Variants in HBP1 observed in about 807,000 individuals in gnomAD.
HBP1 encodes HMG box-containing protein 1.
Under a neutral mutation model 62.6 loss-of-function variants are expected in HBP1, and 20 were observed. The observed-to-expected ratio is 0.32, with a 90% confidence interval of 0.22 to 0.46. HBP1 has a LOEUF of 0.46. Among genes scored for constraint, HBP1 ranks in the 20% least tolerant of loss-of-function variants. HBP1 has a pLI of 1.00. For missense variants in HBP1, 480 were observed against 611.8 expected, an observed-to-expected ratio of 0.78 and a Z score of 2.27; for synonymous variants, 232 against 206.2, an observed-to-expected ratio of 1.12 and a Z score of -1.07.
chr7:107,180,952 A>G (rs1489299721), intron 2 of HBP1, among the ~76,000 whole-genome samples: 1 of 152,180 alleles, frequency 6.6e-6, no homozygotes, highest in African/African-American at 2.4e-5. Context: ...CCTTCCACCT[A>G]TGACTTCGTT....
At chr7:107,171,069 A>T (rs372071400) in intron 1 of HBP1, among the ~76,000 whole-genome samples, 28,697 of 72,098 alleles carry the variant, frequency 0.4, 5,922 homozygotes, top group Non-Finnish European at 0.44. Flanking sequence ...ATATATATAT[A>T]TATATTTTTT....
chr7:107,183,172 T>C (rs1797190509), intron 3 of HBP1, among the ~76,000 whole-genome samples: 1 of 152,184 alleles, frequency 6.6e-6, no homozygotes, highest in Admixed American at 6.5e-5. Context: ...CCAGCTAATA[T>C]GCCTAGGGAG....
chr7:107,169,422 G>A (rs1035759543), intron 1 of HBP1, among the ~76,000 whole-genome samples: 63 of 148,774 alleles, frequency 4.2e-4, no homozygotes, highest in African/African-American at 1.5e-3. Flanking sequence ...GGCGGGGGCC[G>A]GGAGGAGGCA....
chr7:107,179,144 A>G (rs1385101841), intron 1 of HBP1, among the ~76,000 whole-genome samples: 1 of 152,260 alleles, frequency 6.6e-6, no homozygotes, highest in Admixed American at 6.5e-5. Context: ...ATCTTTAAAA[A>G]AGGACAAAAT....
rs369450689 is a variant in HBP1, at chr7:107,179,906, G to A, written c.13G>A (p.Val5Met). 5.0e-6 allele frequency: 8 copies of A among 1,594,276 alleles called. No homozygotes were observed. The African/African-American group carries it at 9.4e-5, about 19-fold the overall frequency. The change falls in exon 2 of 11, where the codon GTG becomes ATG. Residue 5 changes from valine to methionine, a missense_variant. By Grantham distance (21) the Val-to-Met change is conservative. This residue lies in a region of HBP1 where 304 missense variants were observed against 330.9 expected (regional missense o/e 0.92). Transcript: ENST00000222574. MVWE[V>M]KTNQMPNAVQ... ...AGAGCACCATAACATGGTGTGGGAA[G>A]TGAAGACAAATCAGATGCCTAATGC...
At chr7:107,191,116 G>A (rs1004553553) in intron 8 of HBP1, among the ~76,000 whole-genome samples, 3 of 152,104 alleles carry the variant, frequency 2.0e-5, no homozygotes, top group African/African-American at 7.2e-5. Flanking sequence ...CTGGCACTAA[G>A]TAGAGAATTC....
chr7:107,172,863 A>G (rs1796666747), intron 1 of HBP1, among the ~76,000 whole-genome samples: 1 of 152,172 alleles, frequency 6.6e-6, no homozygotes, highest in South Asian at 2.1e-4. Context: ...AAGTGCTGGC[A>G]TTGCAGGCCT....
intron 8 of HBP1, among the ~76,000 whole-genome samples, chr7:107,191,041 G>A (rs1436897942): frequency 3.3e-5 from 5 of 152,178 alleles, no homozygotes; most frequent in Admixed American, 3.3e-4. Context: ...AAGTCTGTGT[G>A]TAGGTATCTG....
intron 10 of HBP1, 55 bp from the exon 11 acceptor site, chr7:107,201,358 AG>A (rs1798283403): frequency 2.9e-6 from 3 of 1,045,348 alleles, no homozygotes; most frequent in Non-Finnish European, 4.4e-6. Context: ...TTTCATATAT[AG>A]GATTACTATG....
At chr7:107,182,640 C>A (rs1797165345) in intron 3 of HBP1, 39 bp downstream of exon 3, 3 of 1,090,902 alleles carry the variant, frequency 2.8e-6, no homozygotes, top group African/African-American at 1.6e-5. Context: ...AACATTCTAT[C>A]ATTACACAAA....
chr7:107,179,760 T>C (rs1370011374), intron 1 of HBP1, 119 bp from the exon 2 acceptor site: 2 of 578,826 alleles, frequency 3.5e-6, no homozygotes, highest in African/African-American at 3.7e-5. Context: ...TGACAGAGTG[T>C]GACTATGTCT....
intron 2 of HBP1, among the ~76,000 whole-genome samples, chr7:107,180,904 C>G (rs1030543646): frequency 2.0e-5 from 3 of 152,108 alleles, no homozygotes; most frequent in African/African-American, 7.2e-5. Context: ...AGGAGGAACT[C>G]AGAAACTTAG....
rs1232687518 is a variant in HBP1 at position 107,186,357 on chromosome 7, A to T, written c.541-4A>T. The T allele has an allele frequency of 1.3e-6, 2 of 1,533,502 alleles. No homozygotes were observed. The highest frequency in any genetic ancestry group is 1.8e-6 in the Non-Finnish European group (2 of 1,119,438). 95.0% of individuals were successfully genotyped at this position (1,533,502 alleles called of 1,614,324 possible). On this transcript the variant is annotated splice_polypyrimidine_tract_variant and splice_region_variant and intron_variant, in intron 4 of 10. Transcript: ENST00000222574. ...AAAAAAGTTGATAATATTTTTCTCC[A>T]TAGGCAAATAGTGAGTCAGAATCTG...
At chr7:107,182,111 T>A (rs1315852368) in intron 2 of HBP1, among the ~76,000 whole-genome samples, 1 of 151,182 alleles carries the variant, frequency 6.6e-6, no homozygotes, top group Non-Finnish European at 1.5e-5. Context: ...TGCCTTTTTC[T>A]TCATTAACTT....
chr7:107,190,328 A>T lies in HBP1; in HGVS notation c.1067+11A>T, dbSNP rs199713771. On this transcript the variant is annotated intron_variant, in intron 8 of 10. Transcript: ENST00000222574. ...TGATACATTTAAAAGGTAATATTGG[A>T]TTAATTCTTTGTTTTATTTTCCTCT... 2.4e-4 allele frequency: 386 copies of T among 1,581,090 alleles called. 2 individuals carry two copies. The Middle Eastern group carries it at 4.2e-3, about 17-fold the overall frequency.
chr7:107,194,596 G>A (rs1320311186), intron 8 of HBP1, among the ~76,000 whole-genome samples: 5 of 152,172 alleles, frequency 3.3e-5, no homozygotes, highest in East Asian at 1.9e-4. Context: ...GGCATGGACC[G>A]CCCTCATTCC....
At chr7:107,181,190 C>T (rs1211825488) in intron 2 of HBP1, among the ~76,000 whole-genome samples, 4 of 152,134 alleles carry the variant, frequency 2.6e-5, no homozygotes, top group African/African-American at 9.7e-5. Flanking sequence ...CTAATTAAAA[C>T]ATTTCAGTTT....
chr7:107,180,017 C>T lies in HBP1; in HGVS notation c.124C>T (p.Pro42Ser). The T allele has an allele frequency of 1.9e-6, 3 of 1,606,550 alleles. No homozygotes were observed. Among genetic ancestry groups the T allele is most frequent in the Non-Finnish European group, 2.6e-6 (3 of 1,174,044 alleles). The change falls in exon 2 of 11, where the codon CCA becomes TCA. Residue 42 changes from proline to serine, a missense_variant. By Grantham distance (74) the Pro-to-Ser change is moderately conservative. Coordinates refer to ENST00000222574, the MANE Select transcript of HBP1 (RefSeq NM_012257.4). Reference protein sequence around the residue: ...LELLQCNENLPSSPGYNSCDE... With the variant: ...LELLQCNENLSSSPGYNSCDE... ...GTTGCTGCAGTGTAATGAGAATTTG[C>T]CATCTTCACCTGGATATAACTCCTG...
intron 9 of HBP1, among the ~76,000 whole-genome samples, chr7:107,197,365 C>G (rs931205531): frequency 1.3e-5 from 2 of 151,410 alleles, no homozygotes; most frequent in African/African-American, 4.9e-5. Context: ...GTCAAGAATT[C>G]TAAGAGTCTT....
Sources: allele counts gnomAD v4.1 joint callset (sites outside exome capture counted in the v4.1 genomes callset), GRCh38; gene constraint gnomAD v4.1.1; regional missense constraint gnomAD v4.1.1; transcripts MANE v1.5; gene names NCBI Gene and HGNC (gene_info 2026-07-23, HGNC 2026-07-21).